Variants in ENKD1 observed in about 807,000 individuals in gnomAD.
ENKD1 encodes enkurin domain-containing protein 1.
ENKD1 carries 39 observed loss-of-function variants against 35.8 expected under a neutral mutation model. The ratio of observed to expected loss-of-function variants is 1.09; its 90% CI spans 0.84 to 1.42. The LOEUF is 1.42. Among genes scored for constraint, ENKD1 ranks in the 40% most tolerant of loss-of-function variants. The probability of loss-of-function intolerance (pLI) is 0.00; values close to 1 mark genes in which losing one functional copy is unlikely to be tolerated. For missense variants in ENKD1, 474 were observed against 471.3 expected (o/e 1.01, Z -0.05); for synonymous variants, 205 against 198.6 (o/e 1.03, Z -0.27).
Position 67,663,090 on chromosome 16 carries a change from C to A in ENKD1, c.*71G>T. 2 of 1,577,484 alleles carry A rather than the reference C, an allele frequency of 1.3e-6. No individual in the cohort carries two copies. Among genetic ancestry groups the A allele is most frequent in the Admixed American group, 1.7e-5 (1 of 57,650 alleles). Reference sequence around the variant, plus strand: ...TCAGACCTCTGCTCTGGGATTGGGTCCAACCCTGTCCTTTGCAGCCATGTG... The same window carrying A: ...TCAGACCTCTGCTCTGGGATTGGGTACAACCCTGTCCTTTGCAGCCATGTG... On this transcript the variant is annotated 3_prime_UTR_variant, in exon 7 of 7. Coordinates refer to ENST00000243878, the MANE Select transcript of ENKD1 (RefSeq NM_032140.3).
Position 67,663,107 on chromosome 16 carries a change from A to T in ENKD1, c.*54T>A. ...GATTGGGTCCAACCCTGTCCTTTGC[A>T]GCCATGTGGCGATCCTCAGCATGGA... On this transcript the variant is annotated 3_prime_UTR_variant, in exon 7 of 7. Coordinates refer to ENST00000243878, the MANE Select transcript of ENKD1 (RefSeq NM_032140.3). 6.2e-7 allele frequency: 1 copy of T among 1,602,818 alleles called. No homozygotes were observed. The highest frequency in any genetic ancestry group is 8.5e-7 in the Non-Finnish European group (1 of 1,173,808).
At position 67,663,708 on chromosome 16, in the gene ENKD1, C is replaced by A. The variant is rs374065667; in HGVS notation, c.692G>T (p.Arg231Leu). The A allele has an allele frequency of 6.2e-7, 1 of 1,613,188 alleles. No homozygotes were observed. The highest frequency in any genetic ancestry group is 2.2e-5 in the East Asian group (1 of 44,848). The change falls in exon 5 of 7, where the codon CGG becomes CTG. Residue 231 changes from arginine (R) to leucine (L), a missense_variant. Transcript: ENST00000243878. ...QVLAQVLEQQ[R>L]QAQEHYNATQ... Reference sequence around the variant, plus strand: ...GGCATTGTAGTGCTCCTGGGCCTGCCGCTGCTGCTCTAGCACTTGTGCCAG... The same window carrying A: ...GGCATTGTAGTGCTCCTGGGCCTGCAGCTGCTGCTCTAGCACTTGTGCCAG...
chr16:67,665,957 G>A (rs2053095357), intron 2 of ENKD1, 114 bp downstream of exon 2: 1 of 1,152,854 alleles, frequency 8.7e-7, no homozygotes, highest in African/African-American at 1.6e-5. Flanking sequence ...TGGGGAAACT[G>A]AGACTCAAGA....
Position 67,666,043 on chromosome 16 carries a change from T to TGTCC in ENKD1, c.280+24_280+27dup, listed in dbSNP as rs1322756395. 3.1e-6 allele frequency: 5 copies of TGTCC among 1,606,510 alleles called. No individual in the cohort carries two copies. The South Asian group carries it at 5.5e-5, about 18-fold the overall frequency. On this transcript the variant is annotated intron_variant, in intron 2 of 6. Transcript: ENST00000243878. ...CTCTTTCCACCCCGCACTGCCTCTC[T>TGTCC]GTCCCTTCTTCCATTCCTGGGACTT...
intron 1 of ENKD1, 39 bp downstream of exon 1, chr16:67,666,319 C>A (rs1272593418): frequency 1.9e-6 from 3 of 1,592,258 alleles, no homozygotes; most frequent in East Asian, 4.5e-5. Flanking sequence ...CCAGGGCCGA[C>A]CCCTGAGCCT....
At chr16:67,665,963 C>T in intron 2 of ENKD1, 108 bp downstream of exon 2, 1 of 1,221,144 alleles carries the variant, frequency 8.2e-7, no homozygotes, top group Non-Finnish European at 1.1e-6. Flanking sequence ...AACTGAGACT[C>T]AAGAGATGCA....
chr16:67,666,312 G>T, intron 1 of ENKD1, 46 bp downstream of exon 1: 1 of 1,595,892 alleles, frequency 6.3e-7, no homozygotes, highest in Non-Finnish European at 8.5e-7. Flanking sequence ...GGTGGAGCCA[G>T]GGCCGACCCC....
intron 2 of ENKD1, among the ~76,000 whole-genome samples, chr16:67,665,806 T>C (rs2053092747): frequency 6.6e-6 from 1 of 152,252 alleles, no homozygotes; most frequent in African/African-American, 2.4e-5. Context: ...CTAGCATCTA[T>C]ATGGCCTGGC....
At position 67,664,038 on chromosome 16, in the gene ENKD1, C is replaced by A. The variant is rs866031813; in HGVS notation, c.478G>T (p.Glu160Ter). 1 of 1,561,070 alleles carries A rather than the reference C, an allele frequency of 6.4e-7. No homozygotes were observed. ...LQEPGPASGT[E>*]SAHFLRAHSR... ...TGCGCCCGCAGGAAGTGGGCAGACT[C>A]TGTCCCAGAGGCAGGGCCAGGCTCC... Residue 160 changes from glutamate to a stop codon, truncating the protein, a stop_gained, in exon 4 of 7, where the codon GAG (glutamate) becomes TAG (stop). Coordinates refer to ENST00000243878, the MANE Select transcript of ENKD1 (RefSeq NM_032140.3). LOFTEE classifies it high-confidence loss of function.
chr16:67,663,496 C>T lies in ENKD1; in HGVS notation c.804G>A (p.Pro268=), dbSNP rs769545525. 10 of 1,612,664 alleles carry T rather than the reference C, an allele frequency of 6.2e-6. No homozygotes were observed. Among genetic ancestry groups the T allele is most frequent in the East Asian group, 4.5e-5 (2 of 44,880 alleles). Residue 268 remains proline (P), a synonymous_variant, in exon 6 of 7, where the codon CCG becomes CCA. Transcript: ENST00000243878. ...TGTGGCCTGGGGGCATGGCAGGGTC[C>T]GGCTGGCTCTGCTTGCGGGCCTCGG... ...REAEARKQSQ[P]DPAMPPGHTR...
rs776053333 is a variant in ENKD1 at position 67,663,787 on chromosome 16, T to C, written c.613A>G (p.Asn205Asp). The C allele has an allele frequency of 5.0e-6, 8 of 1,608,590 alleles. No homozygotes were observed. The highest frequency in any genetic ancestry group is 2.2e-5 in the East Asian group (1 of 44,688). The change falls in exon 5 of 7, where the codon AAT becomes GAT. Residue 205 changes from asparagine to aspartate, a missense_variant. By Grantham distance (23) the Asn-to-Asp change is conservative. Transcript: ENST00000243878. ...GGGGCTCTCTTGGCAGCTCGTGCATTGTGACGAATGAAGTCCACCCCCAGG... is the reference window on the plus strand; with the variant it reads ...GGGGCTCTCTTGGCAGCTCGTGCATCGTGACGAATGAAGTCCACCCCCAGG... Reference protein sequence around the residue: ...PGLGVDFIRHNARAAKRAPRR... With the variant: ...PGLGVDFIRHDARAAKRAPRR...
Position 67,666,208 on chromosome 16 carries a change from G to T in ENKD1, c.143C>A (p.Ala48Asp). 1.2e-6 allele frequency: 2 copies of T among 1,610,200 alleles called. No individual in the cohort carries two copies. The highest frequency in any genetic ancestry group is 1.7e-6 in the Non-Finnish European group (2 of 1,178,312). The change falls in exon 2 of 7, where the codon GCC becomes GAC. Residue 48 changes from alanine (A) to aspartate (D), a missense_variant. Ala to Asp is a moderately radical substitution (Grantham distance 126). Coordinates refer to ENST00000243878, the MANE Select transcript of ENKD1 (RefSeq NM_032140.3). ...LKLDLLTSDR[A>D]LDTTAPRGPC... ...GCCACGGGGAGCGGTGGTGTCCAGG[G>T]CCCGGTCGGAAGTCAGCAAGTCCAG...
chr16:67,664,003 G>A lies in ENKD1; in HGVS notation c.513C>T (p.Cys171=), dbSNP rs749775704. Residue 171 remains cysteine, a synonymous_variant, in exon 4 of 7, where the codon TGC becomes TGT. Coordinates refer to ENST00000243878, the MANE Select transcript of ENKD1 (RefSeq NM_032140.3). ...SAHFLRAHSR[C]GPGLPPPHVS... ...CATGGGGTGGTGGGAGGCCAGGGCC[G>A]CAGCGGGAGTGCGCCCGCAGGAAGT... 13 of 1,581,062 alleles carry A rather than the reference G, an allele frequency of 8.2e-6. No homozygotes were observed. The highest frequency in any genetic ancestry group is 2.3e-5 in the South Asian group (2 of 86,772).
At chr16:67,665,446 G>A (rs756503295) in intron 2 of ENKD1, among the ~76,000 whole-genome samples, 17 of 152,072 alleles carry the variant, frequency 1.1e-4, no homozygotes, top group Non-Finnish European at 1.8e-4. Flanking sequence ...CATGATCATA[G>A]CTCACTGTAG....
chr16:67,663,998 G>A lies in ENKD1; in HGVS notation c.518C>T (p.Pro173Leu), dbSNP rs981534223. 8 of 1,583,118 alleles carry A rather than the reference G, an allele frequency of 5.1e-6. No homozygotes were observed. In the Admixed American group the frequency reaches 1.1e-4, roughly 21 times the overall value. Residue 173 changes from proline (P) to leucine (L), a missense_variant, in exon 4 of 7, where the codon CCT becomes CTT. Transcript: ENST00000243878. The stretch of plus-strand genomic sequence containing the variant: ...AGATACATGGGGTGGTGGGAGGCCA[G>A]GGCCGCAGCGGGAGTGCGCCCGCAG... ...HFLRAHSRCG[P>L]GLPPPHVSSP... is the part of the protein sequence containing the mutation.
rs1371371063 is a variant in ENKD1, at chr16:67,666,225, C to CA, written c.125dup (p.Leu42PhefsTer57). The CA allele has an allele frequency of 2.5e-6, 4 of 1,608,020 alleles. No homozygotes were observed. The highest frequency in any genetic ancestry group is 1.3e-5 in the African/African-American group (1 of 74,922). On this transcript the variant is annotated frameshift_variant, in exon 2 of 7. Coordinates refer to ENST00000243878, the MANE Select transcript of ENKD1 (RefSeq NM_032140.3). LOFTEE classifies it high-confidence loss of function. The stretch of plus-strand genomic sequence containing the variant: ...TGTCCAGGGCCCGGTCGGAAGTCAG[C>CA]AAGTCCAGCTTCAGCGCGTTTCCCT...
rs747339054 is a variant in ENKD1 at position 67,663,208 on chromosome 16, T to C, written c.994A>G (p.Ile332Val). 6.2e-7 allele frequency: 1 copy of C among 1,614,060 alleles called. No individual in the cohort carries two copies. The highest frequency in any genetic ancestry group is 8.5e-7 in the Non-Finnish European group (1 of 1,180,032). ...DRKLVQVEEA[I>V]KIFSRPKVFV... ...ACTTTGGGCCGAGAAAAGATCTTGA[T>C]GGCCTCCTCTACCTGCACCAGCTTC... is the stretch of plus-strand genomic sequence containing the variant. The change falls in exon 7 of 7, where the codon ATC (isoleucine) becomes GTC (valine). Residue 332 changes from isoleucine (I) to valine (V), a missense_variant. By Grantham distance (29) the Ile-to-Val change is conservative (BLOSUM62 3). Coordinates refer to ENST00000243878, the MANE Select transcript of ENKD1 (RefSeq NM_032140.3).
chr16:67,665,218 C>T, intron 2 of ENKD1, 50 bp from the exon 3 acceptor site: 1 of 1,557,790 alleles, frequency 6.4e-7, no homozygotes, highest in Admixed American at 1.9e-5. Context: ...CCCACACAGT[C>T]CAACTTCCAC....
chr16:67,665,932 T>C, intron 2 of ENKD1, 139 bp downstream of exon 2: 1 of 917,100 alleles, frequency 1.1e-6, no homozygotes, highest in South Asian at 1.7e-5. Flanking sequence ...AGCATATTTC[T>C]CCCCCTTTTA....
Sources: allele counts gnomAD v4.1 joint callset (sites outside exome capture counted in the v4.1 genomes callset), GRCh38; gene constraint gnomAD v4.1.1; transcripts MANE v1.5; gene names NCBI Gene and HGNC (gene_info 2026-07-23, HGNC 2026-07-21).